Variants in GRIP1 observed in about 807,000 individuals in gnomAD.
GRIP1 encodes glutamate receptor-interacting protein 1.
In GRIP1, 45 loss-of-function variants were observed where a neutral mutation model predicts 129.9. The ratio of observed to expected loss-of-function variants is 0.35; its 90% confidence interval spans 0.27 to 0.44. The LOEUF is 0.44. Among genes scored for constraint, GRIP1 ranks in the 20% least tolerant of loss-of-function variants. GRIP1 has a pLI of 1.00. For synonymous variants in GRIP1, 530 were observed against 520.8 expected (o/e 1.02, Z -0.24); for missense variants, 1,196 against 1,396.8 (o/e 0.86, Z 2.29).
At chr12:66,917,947 A>AACACACACAC (rs58387290) in intron 1 of GRIP1, among the ~76,000 whole-genome samples, 56 of 147,628 alleles carry the variant, frequency 3.8e-4, no homozygotes, top group East Asian at 2.0e-3. Context: ...GAGATGTATA[A>AACACACACAC]ACACACACAC....
chr12:66,812,936 G>T (rs1298217833), intron 1 of GRIP1, among the ~76,000 whole-genome samples: 1 of 152,032 alleles, frequency 6.6e-6, no homozygotes, highest in Admixed American at 6.6e-5. Flanking sequence ...AATGCTTCCT[G>T]TGTGTCTCTA....
In GRIP1 at chr12:66,943,101, C is replaced by A. The variant is rs565800212; in HGVS notation, c.58+125949G>T. On this transcript the variant is annotated intron_variant, in intron 1 of 1. Coordinates refer to the GRIP1 transcript ENST00000643019. Reference sequence around the variant, plus strand: ...TACAAATGTAAAAATTTGGGAGATTCTTTTGTTGCTAATTTTGTCTTCTAA... The same window carrying A: ...TACAAATGTAAAAATTTGGGAGATTATTTTGTTGCTAATTTTGTCTTCTAA... Among the ~76,000 whole-genome samples, 191 of 152,294 alleles carry A rather than the reference C, an allele frequency of 1.3e-3. 1 individual carries two copies. Among genetic ancestry groups the A allele is most frequent in the African/African-American group, 4.4e-3 (183 of 41,572 alleles).
At chr12:66,785,333 T>TACAG in intron 1 of GRIP1, among the ~76,000 whole-genome samples, 1 of 68,728 alleles carries the variant, frequency 1.5e-5, no homozygotes, top group African/African-American at 5.1e-5. Flanking sequence ...CATACATACA[T>TACAG]ACATACATAC....
rs915847704 is a variant in GRIP1, at chr12:66,563,160, G to A, written c.137-21210C>T. On this transcript the variant is annotated intron_variant, in intron 2 of 24. Transcript: ENST00000359742. Reference sequence around the variant, plus strand: ...TGTATACAGTTATACTATATATACAGTATATACACTATATACACTGTGTGT... The same window carrying A: ...TGTATACAGTTATACTATATATACAATATATACACTATATACACTGTGTGT... Among the ~76,000 whole-genome samples, 26 of 151,780 alleles carry A rather than the reference G, an allele frequency of 1.7e-4. 1 individual carries two copies. The highest frequency in any genetic ancestry group is 5.8e-4 in the African/African-American group (24 of 41,296).
At chr12:66,698,973 C>CA (rs1676958121) in intron 1 of GRIP1, among the ~76,000 whole-genome samples, 1 of 152,144 alleles carries the variant, frequency 6.6e-6, no homozygotes, top group Non-Finnish European at 1.5e-5. Flanking sequence ...CTCAGTCATG[C>CA]AGCAGGCTCA....
intron 1 of GRIP1, among the ~76,000 whole-genome samples, chr12:66,837,681 T>C (rs1225362346): frequency 1.3e-5 from 2 of 152,190 alleles, no homozygotes; most frequent in African/African-American, 4.8e-5. Flanking sequence ...ATTACTCTGT[T>C]GGTGGTATAG....
intron 1 of GRIP1, among the ~76,000 whole-genome samples, chr12:67,009,027 G>A (rs367821339): frequency 1.3e-5 from 2 of 152,098 alleles, no homozygotes; most frequent in South Asian, 2.1e-4. Flanking sequence ...TGTTTCAAGG[G>A]CCTAAGCAAT....
intron 1 of GRIP1, among the ~76,000 whole-genome samples, chr12:66,632,589 G>C (rs117899444): frequency 0.012 from 1,752 of 152,196 alleles, 13 homozygotes; most frequent in Non-Finnish European, 0.018. Flanking sequence ...TTATCGATTT[G>C]TATAGACACA....
intron 2 of GRIP1, among the ~76,000 whole-genome samples, chr12:66,552,567 A>G (rs554556562): frequency 3.3e-5 from 5 of 152,190 alleles, no homozygotes; most frequent in Non-Finnish European, 5.9e-5. Context: ...TTTTACGTAC[A>G]TGAAATTTCC....
chr12:67,026,360 T>G (rs1033076383), intron 1 of GRIP1, among the ~76,000 whole-genome samples: 2 of 152,220 alleles, frequency 1.3e-5, no homozygotes, highest in African/African-American at 4.8e-5. Context: ...AAATTTTTTC[T>G]CAAGCTTGTT....
intron 19 of GRIP1, among the ~76,000 whole-genome samples, chr12:66,392,064 T>C (rs1335356334): frequency 1.3e-5 from 2 of 152,212 alleles, no homozygotes; most frequent in Non-Finnish European, 2.9e-5. Context: ...GATGGGATAC[T>C]TGGCCATCAG....
intron 2 of GRIP1, among the ~76,000 whole-genome samples, chr12:66,543,402 T>G (rs2061848969): frequency 6.6e-6 from 1 of 152,214 alleles, no homozygotes; most frequent in African/African-American, 2.4e-5. Flanking sequence ...CTACATTTTG[T>G]ATGACAGACC....
chr12:66,807,229 G>A (rs1309170420), upstream of GRIP1, among the ~76,000 whole-genome samples: 1 of 152,146 alleles, frequency 6.6e-6, no homozygotes, highest in Non-Finnish European at 1.5e-5. Flanking sequence ...CAAATCTCAT[G>A]TCAAACTGTA....
intron 1 of GRIP1, among the ~76,000 whole-genome samples, chr12:66,741,721 A>C (rs915301187): frequency 6.6e-6 from 1 of 152,160 alleles, no homozygotes; most frequent in African/African-American, 2.4e-5. Flanking sequence ...TGTATTCTGT[A>C]CTTACAGCAC....
chr12:66,668,971 A>G (rs1206030155), intron 1 of GRIP1, among the ~76,000 whole-genome samples: 1 of 152,136 alleles, frequency 6.6e-6, no homozygotes, highest in Non-Finnish European at 1.5e-5. Flanking sequence ...AGCAAAAAAT[A>G]AAAAGATCTT....
intron 2 of GRIP1, among the ~76,000 whole-genome samples, chr12:66,581,711 G>T (rs1241609419): frequency 3.3e-5 from 5 of 152,072 alleles, no homozygotes; most frequent in Non-Finnish European, 4.4e-5. Flanking sequence ...CCAGGAAGAA[G>T]TTGAATCTCT....
chr12:66,598,595 C>A (rs1026046495), intron 1 of GRIP1, among the ~76,000 whole-genome samples: 1 of 152,152 alleles, frequency 6.6e-6, no homozygotes, highest in African/African-American at 2.4e-5. Flanking sequence ...AATATTTGAG[C>A]GCTTTTCTCA....
In GRIP1 at chr12:66,392,456, C is replaced by G; in HGVS notation, c.2316G>C (p.Leu772Phe). ...CCTCCTCCACATCCCCCAGGTCACT[C>G]AAATGGCTAGAAATAGGGAACTTCT... ...SPKKFPISSH[L>F]SDLGDVEEDS... The change falls in exon 19 of 25, where the codon TTG becomes TTC. Residue 772 changes from leucine to phenylalanine, a missense_variant. Physicochemically the swap from Leu to Phe is conservative, Grantham distance 22. Transcript: ENST00000359742. 1.2e-6 allele frequency: 2 copies of G among 1,614,156 alleles called. No individual in the cohort carries two copies. The highest frequency in any genetic ancestry group is 1.7e-6 in the Non-Finnish European group (2 of 1,180,026).
intron 2 of GRIP1, among the ~76,000 whole-genome samples, chr12:66,587,705 C>T (rs770442375): frequency 2.6e-5 from 4 of 152,068 alleles, no homozygotes; most frequent in African/African-American, 9.7e-5. Context: ...ATGGATGTAG[C>T]GAGCAAGTAA....
Sources: allele counts gnomAD v4.1 joint callset (sites outside exome capture counted in the v4.1 genomes callset), GRCh38; gene constraint gnomAD v4.1.1; transcripts MANE v1.5; gene names NCBI Gene and HGNC (gene_info 2026-07-23, HGNC 2026-07-21).